BTBD1: variants seen among roughly 807,000 people sequenced by gnomAD.
The protein encoded by BTBD1 is BTB/POZ domain-containing protein 1.
Under a neutral mutation model 48.0 loss-of-function variants are expected in BTBD1, and 34 were observed. That is an observed-to-expected ratio of 0.71 (90% confidence interval 0.54 to 0.94). BTBD1 has a LOEUF of 0.94. Ranked by LOEUF, BTBD1 falls within the 40% of genes least tolerant of loss-of-function variation. The pLI, the probability that BTBD1 is intolerant of heterozygous loss-of-function variation, is 0.00. For missense variants in BTBD1, 543 were observed against 625.6 expected, an observed-to-expected ratio of 0.87 and a Z score of 1.41; for synonymous variants, 261 against 242.1, an observed-to-expected ratio of 1.08 and a Z score of -0.72.
intron 5 of BTBD1, among the ~76,000 whole-genome samples, chr15:83,026,389 C>A (rs139432699): frequency 8.5e-5 from 13 of 152,142 alleles, no homozygotes; most frequent in African/African-American, 3.1e-4. Context: ...CTGAAATGCA[C>A]AGAACAGTCT....
At chr15:83,037,731 AAAG>A (rs762008038) in intron 4 of BTBD1, among the ~76,000 whole-genome samples, 5 of 152,214 alleles carry the variant, frequency 3.3e-5, no homozygotes, top group African/African-American at 4.8e-5. Context: ...CCAAATAAGA[AAAG>A]AAGTCAAACT....
At chr15:83,038,565 AC>A (rs1221234278) in intron 4 of BTBD1, among the ~76,000 whole-genome samples, 2 of 152,174 alleles carry the variant, frequency 1.3e-5, no homozygotes, top group Non-Finnish European at 2.9e-5. Flanking sequence ...TATGCATGGA[AC>A]AAAAAAAAAG....
At chr15:83,056,310 C>T in intron 2 of BTBD1, 79 bp downstream of exon 2, 4 of 870,828 alleles carry the variant, frequency 4.6e-6, no homozygotes, top group South Asian at 2.0e-5. Context: ...TAGAATTCTC[C>T]AGGAAATATT....
chr15:83,038,415 GA>G (rs1406078438), intron 4 of BTBD1, among the ~76,000 whole-genome samples: 3 of 152,072 alleles, frequency 2.0e-5, no homozygotes, highest in Admixed American at 2.0e-4. Flanking sequence ...CAAACAAATG[GA>G]AAAACATTAT....
At chr15:83,062,539 C>G (rs186030450) in intron 1 of BTBD1, among the ~76,000 whole-genome samples, 21 of 152,236 alleles carry the variant, frequency 1.4e-4, no homozygotes, top group Admixed American at 3.3e-4. Context: ...ATGCCTGTCT[C>G]AAAGGATTTT....
chr15:83,017,237 C>T lies in BTBD1; in HGVS notation c.*830G>A, dbSNP rs1176681107. On this transcript the variant is annotated 3_prime_UTR_variant, in exon 8 of 8. Transcript: ENST00000261721. ...TCGGTTTCTTGCTGTGAAGGATTAT[C>T]ACAATGTTGAAGTGATGGCTGTTCA... 1 of 152,630 alleles carries T rather than the reference C, an allele frequency of 6.6e-6. No individual in the cohort carries two copies. The highest frequency in any genetic ancestry group is 1.5e-5 in the Non-Finnish European group (1 of 68,042). 9.5% of individuals were successfully genotyped at this position (152,630 alleles called of 1,614,324 possible).
intron 1 of BTBD1, among the ~76,000 whole-genome samples, chr15:83,062,743 G>T (rs946684570): frequency 1.3e-5 from 2 of 152,190 alleles, no homozygotes; most frequent in African/African-American, 4.8e-5. Flanking sequence ...GTGGGGGAAT[G>T]AGTGCGTAAA....
chr15:83,023,483 G>A (rs1351244920), intron 5 of BTBD1, among the ~76,000 whole-genome samples: 3 of 152,130 alleles, frequency 2.0e-5, no homozygotes, highest in East Asian at 1.9e-4. Flanking sequence ...GGGCTCAGGC[G>A]ACCCTCCTGC....
chr15:83,065,193 T>C (rs1394839803), intron 1 of BTBD1, among the ~76,000 whole-genome samples: 2 of 152,258 alleles, frequency 1.3e-5, no homozygotes, highest in African/African-American at 2.4e-5. Context: ...TTTGCAATAC[T>C]TGAATGCTTC....
chr15:83,043,450 G>A (rs932379357), intron 3 of BTBD1, among the ~76,000 whole-genome samples: 5 of 152,152 alleles, frequency 3.3e-5, no homozygotes, highest in Admixed American at 6.5e-5. Flanking sequence ...CATGGAGAAT[G>A]CCTGGAGGAT....
At chr15:83,059,391 CA>C (rs571318568) in intron 1 of BTBD1, among the ~76,000 whole-genome samples, 91 of 152,084 alleles carry the variant, frequency 6.0e-4, no homozygotes, top group African/African-American at 2.2e-3. Context: ...ACTAAAAACA[CA>C]AAAATTAGCC....
chr15:83,025,113 G>A (rs2032376532), intron 5 of BTBD1, among the ~76,000 whole-genome samples: 1 of 152,084 alleles, frequency 6.6e-6, no homozygotes, highest in Non-Finnish European at 1.5e-5. Context: ...AGTACTTTGA[G>A]AGGCTGGAGG....
At chr15:83,063,734 G>T (rs150501253) in intron 1 of BTBD1, among the ~76,000 whole-genome samples, 4 of 152,166 alleles carry the variant, frequency 2.6e-5, no homozygotes, top group Admixed American at 6.5e-5. Flanking sequence ...CTATCTTTTT[G>T]ACCTCATTTT....
intron 7 of BTBD1, 106 bp downstream of exon 7, chr15:83,018,601 C>A: frequency 7.8e-7 from 1 of 1,279,872 alleles, no homozygotes; most frequent in Non-Finnish European, 1.1e-6. Flanking sequence ...GCTTCTTTTC[C>A]CCCCTCTTTA....
In BTBD1 at chr15:83,059,598, T is replaced by C. The variant is rs537526708; in HGVS notation, c.402-3053A>G. Among the ~76,000 whole-genome samples the C allele has an allele frequency of 1.5e-4, 23 of 152,328 alleles. No individual in the cohort carries two copies. The South Asian group carries it at 1.7e-3, about 11-fold the overall frequency. On this transcript the variant is annotated intron_variant, in intron 1 of 7. Coordinates refer to ENST00000261721, the MANE Select transcript of BTBD1 (RefSeq NM_025238.4). The stretch of plus-strand genomic sequence containing the variant: ...GTTTATAGCTTATACATTTTGTTTG[T>C]TTTTGAGACAGGGTCTCATTGTCAC...
intron 3 of BTBD1, among the ~76,000 whole-genome samples, chr15:83,042,755 A>C (rs1319691655): frequency 6.6e-6 from 1 of 152,242 alleles, no homozygotes; most frequent in Non-Finnish European, 1.5e-5. Context: ...AATGAGGAGA[A>C]ACAGATTAAA....
At chr15:83,025,357 C>CAAAAAAAAAAAAAAAAA (rs767479917) in intron 5 of BTBD1, among the ~76,000 whole-genome samples, 1 of 64,176 alleles carries the variant, frequency 1.6e-5, no homozygotes, top group Non-Finnish European at 2.9e-5. Flanking sequence ...GACTCCATCA[C>CAAAAAAAAAAAAAAAAA]AAAAAAAAAA....
chr15:83,060,383 C>G (rs897726471), intron 1 of BTBD1, among the ~76,000 whole-genome samples: 6 of 151,432 alleles, frequency 4.0e-5, no homozygotes, highest in Non-Finnish European at 7.4e-5. Flanking sequence ...TCATATACAA[C>G]CTCTAAGGAC....
chr15:83,064,009 C>A (rs1413078042), intron 1 of BTBD1, among the ~76,000 whole-genome samples: 1 of 152,196 alleles, frequency 6.6e-6, no homozygotes, highest in Non-Finnish European at 1.5e-5. Context: ...TTCGCTGTTT[C>A]ACAAGCGCCC....
Sources: allele counts gnomAD v4.1 joint callset (sites outside exome capture counted in the v4.1 genomes callset), GRCh38; gene constraint gnomAD v4.1.1; transcripts MANE v1.5; gene names NCBI Gene and HGNC (gene_info 2026-07-23, HGNC 2026-07-21).